Variants in PHKB observed in about 807,000 individuals in gnomAD.
PHKB encodes phosphorylase b kinase regulatory subunit beta.
Under a neutral mutation model 152.1 loss-of-function variants are expected in PHKB, and 122 were observed. That is an observed-to-expected ratio of 0.80 (90% CI 0.69 to 0.93). PHKB has a LOEUF of 0.93. PHKB is among the 40% of genes least tolerant of loss of function. The probability of loss-of-function intolerance (pLI) is 0.00; values close to 1 mark genes in which losing one functional copy is unlikely to be tolerated. For synonymous variants in PHKB, 436 were observed against 464.9 expected (o/e 0.94, Z 0.80); for missense variants, 1,304 against 1,328.4 (o/e 0.98, Z 0.29).
Position 47,611,972 on chromosome 16 carries a change from T to C in PHKB, c.1458+1052T>C, listed in dbSNP as rs543618425. ...TTATCTTAGTTACCGCTCATGTTGG[T>C]ACAATTGGCAGAGTTGTTCTCAGCA... On this transcript the variant is annotated intron_variant, in intron 14 of 30. Transcript: ENST00000323584. 3.9e-5 allele frequency among the ~76,000 whole-genome samples: 6 copies of C among 152,338 alleles called. 1 individual carries two copies. In the South Asian group the frequency reaches 1.2e-3, roughly 32 times the overall value.
chr16:47,481,211 A>G (rs1278103976), intron 1 of PHKB, among the ~76,000 whole-genome samples: 3 of 152,138 alleles, frequency 2.0e-5, no homozygotes, highest in Non-Finnish European at 4.4e-5. Context: ...TTAGCTCTGA[A>G]TAGTCATGCT....
chr16:47,642,019 ATTC>A (rs376529728), intron 16 of PHKB, among the ~76,000 whole-genome samples: 2 of 152,226 alleles, frequency 1.3e-5, no homozygotes, highest in East Asian at 3.9e-4. Flanking sequence ...GAATAAAATT[ATTC>A]TTATATTTTG....
At chr16:47,593,283 T>G in intron 10 of PHKB, among the ~76,000 whole-genome samples, 1 of 147,498 alleles carries the variant, frequency 6.8e-6, no homozygotes, top group African/African-American at 2.5e-5. Flanking sequence ...GAGACAGAGA[T>G]AGCCAGATAT....
intron 7 of PHKB, among the ~76,000 whole-genome samples, chr16:47,552,752 G>A (rs890655409): frequency 4.6e-5 from 7 of 151,960 alleles, no homozygotes; most frequent in Non-Finnish European, 8.8e-5. Flanking sequence ...AAGAGGCAGA[G>A]TTTGTGGTGA....
intron 6 of PHKB, among the ~76,000 whole-genome samples, chr16:47,524,506 C>T (rs767873277): frequency 2.0e-4 from 30 of 152,176 alleles, no homozygotes; most frequent in African/African-American, 6.8e-4. Context: ...GGGTGGCTCA[C>T]GCCTGTAATC....
intron 26 of PHKB, 131 bp downstream of exon 26, chr16:47,669,548 C>A: frequency 1.3e-6 from 1 of 788,032 alleles, no homozygotes; most frequent in Non-Finnish European, 2.2e-6. Context: ...GTCCTCTAAG[C>A]CATGCAGGCA....
intron 1 of PHKB, among the ~76,000 whole-genome samples, chr16:47,476,307 T>A (rs1698027806): frequency 6.6e-6 from 1 of 152,198 alleles, no homozygotes. Context: ...ACAGAAATTA[T>A]TTTAGTTTTG....
At chr16:47,633,938 A>T (rs1972871343) in intron 14 of PHKB, among the ~76,000 whole-genome samples, 1 of 152,230 alleles carries the variant, frequency 6.6e-6, no homozygotes, top group Non-Finnish European at 1.5e-5. Flanking sequence ...AATCATTGAT[A>T]CAAGAAAATG....
chr16:47,679,516 T>G (rs1973806174), intron 26 of PHKB, among the ~76,000 whole-genome samples: 1 of 152,232 alleles, frequency 6.6e-6, no homozygotes, highest in Non-Finnish European at 1.5e-5. Flanking sequence ...CTAGGTATTT[T>G]ATTCTCTTTG....
chr16:47,586,465 AT>A (rs559753552), intron 8 of PHKB, among the ~76,000 whole-genome samples: 215 of 152,348 alleles, frequency 1.4e-3, no homozygotes, highest in African/African-American at 5.1e-3. Context: ...TTTTAAAAAG[AT>A]TTTAAAATGA....
intron 16 of PHKB, 114 bp downstream of exon 16, chr16:47,641,806 G>A: frequency 1.4e-6 from 1 of 706,054 alleles, no homozygotes; most frequent in Admixed American, 2.0e-5. Context: ...TATAGGACCA[G>A]TAATCCAAAA....
chr16:47,650,528 T>C lies in PHKB; in HGVS notation c.1798-16T>C. The C allele has an allele frequency of 1.4e-6, 2 of 1,461,510 alleles. No homozygotes were observed. The highest frequency in any genetic ancestry group is 1.9e-6 in the Non-Finnish European group (2 of 1,041,238). The allele number at this position is 1,461,510 out of a possible 1,614,324, so 90.5% of individuals were successfully genotyped here. On this transcript the variant is annotated splice_polypyrimidine_tract_variant and intron_variant, in intron 18 of 30. Coordinates refer to ENST00000323584, the MANE Select transcript of PHKB (RefSeq NM_000293.3). Reference sequence around the variant, plus strand: ...AGATACTGTGCCATTACATCCTACCTCATTCTGTTTGACAGAATGCGCTGC... The same window carrying C: ...AGATACTGTGCCATTACATCCTACCCCATTCTGTTTGACAGAATGCGCTGC...
chr16:47,542,975 A>ATTTC (rs1372644442), intron 6 of PHKB, among the ~76,000 whole-genome samples: 4 of 152,090 alleles, frequency 2.6e-5, no homozygotes, highest in Non-Finnish European at 2.9e-5. Context: ...CTCTTTTCCT[A>ATTTC]ATTGTATATC....
intron 26 of PHKB, among the ~76,000 whole-genome samples, chr16:47,682,725 G>A (rs552507229): frequency 7.2e-5 from 11 of 152,130 alleles, no homozygotes; most frequent in African/African-American, 1.9e-4. Context: ...CCTGTAGCTC[G>A]GAGTAGTTTG....
intron 13 of PHKB, chr16:47,598,917 T>C (rs554417262): frequency 6.9e-6 from 11 of 1,586,966 alleles, no homozygotes; most frequent in South Asian, 4.4e-5. Flanking sequence ...CAAGAATCTT[T>C]GTGTACAATA....
At chr16:47,523,867 T>A (rs79794917) in intron 6 of PHKB, among the ~76,000 whole-genome samples, 7,424 of 152,302 alleles carry the variant, frequency 0.049, 285 homozygotes, top group Non-Finnish European at 0.075. Context: ...TGTCAGACAT[T>A]CAAATAGTAA....
chr16:47,693,365 C>T lies in PHKB; in HGVS notation c.2766-13C>T. 6.2e-7 allele frequency: 1 copy of T among 1,613,758 alleles called. No homozygotes were observed. Among genetic ancestry groups the T allele is most frequent in the Non-Finnish European group, 8.5e-7 (1 of 1,179,776 alleles). ...TTGTTCTTCAACTCTGAGACATTTG[C>T]CTTTTGTTACAGATGTTGGCTGAAC... On this transcript the variant is annotated splice_polypyrimidine_tract_variant and intron_variant, in intron 27 of 30. Transcript: ENST00000323584.
At chr16:47,537,166 A>G (rs1970966619) in intron 6 of PHKB, among the ~76,000 whole-genome samples, 1 of 152,232 alleles carries the variant, frequency 6.6e-6, no homozygotes, top group Admixed American at 6.5e-5. Context: ...TGGAATGAAT[A>G]TGGGGTTAAA....
chr16:47,646,387 G>A (rs1378463208), intron 16 of PHKB, among the ~76,000 whole-genome samples: 2 of 96,782 alleles, frequency 2.1e-5, no homozygotes, highest in South Asian at 8.6e-4. Flanking sequence ...TGGTGGGGTC[G>A]GGGGAGGGGG....
Sources: allele counts gnomAD v4.1 joint callset (sites outside exome capture counted in the v4.1 genomes callset), GRCh38; gene constraint gnomAD v4.1.1; transcripts MANE v1.5; gene names NCBI Gene and HGNC (gene_info 2026-07-23, HGNC 2026-07-21).